Variants in M6PR observed in about 807,000 individuals in gnomAD.
M6PR encodes the protein cation-dependent mannose-6-phosphate receptor.
In M6PR, 19 loss-of-function variants were observed where a neutral mutation model predicts 33.1. That is an observed-to-expected ratio of 0.57 (90% CI 0.40 to 0.84). M6PR has a LOEUF of 0.84. M6PR is among the 40% of genes least tolerant of loss of function. The pLI is 0.00. For synonymous variants in M6PR, 111 were observed against 123.4 expected, an observed-to-expected ratio of 0.90 and a Z score of 0.67; for missense variants, 295 against 336.0, an observed-to-expected ratio of 0.88 and a Z score of 0.95.
chr12:8,942,994 C>T (rs1199739956), intron 5 of M6PR, among the ~76,000 whole-genome samples: 2 of 150,554 alleles, frequency 1.3e-5, no homozygotes, highest in Non-Finnish European at 2.9e-5. Flanking sequence ...GCCCTTGTTG[C>T]CCAGGCTGGA....
rs1159624227 is a variant in M6PR at position 8,943,429 on chromosome 12, C to G, written c.560G>C (p.Ser187Thr). 1.2e-6 allele frequency: 2 copies of G among 1,614,060 alleles called. No homozygotes were observed. Among genetic ancestry groups the G allele is most frequent in the Non-Finnish European group, 1.7e-6 (2 of 1,180,014 alleles). The change falls in exon 5 of 7, where the codon AGT becomes ACT. Residue 187 changes from serine (S) to threonine (T), a missense_variant. Transcript: ENST00000000412. ...CGTGACAAGTAAGATGGAACCCACA[C>G]TGAGGTGGGAGATCTCTGGTGAACA... is the stretch of plus-strand genomic sequence containing the variant. ...LACSPEISHL[S>T]VGSILLVTFA...
chr12:8,942,276 T>C, intron 6 of M6PR, 140 bp downstream of exon 6: 1 of 1,147,966 alleles, frequency 8.7e-7, no homozygotes. Context: ...AGGGCAACTG[T>C]CTTGTTTGCT....
At position 8,946,354 on chromosome 12, in the gene M6PR, C is replaced by T. The variant is rs1270449501; in HGVS notation, c.51G>A (p.Leu17=). ...CWRTGLLLLL[L]AVAVRESWQT... Reference sequence around the variant, plus strand: ...GCCAGGATTCTCTCACTGCCACAGCCAGGAGTAGTAGTAGCAGTCCAGTCC... The same window carrying T: ...GCCAGGATTCTCTCACTGCCACAGCTAGGAGTAGTAGTAGCAGTCCAGTCC... The change falls in exon 2 of 7, where the codon CTG becomes CTA. Residue 17 remains leucine (L), a synonymous_variant. Coordinates refer to ENST00000000412, the MANE Select transcript of M6PR (RefSeq NM_002355.4). 6.2e-7 allele frequency: 1 copy of T among 1,614,082 alleles called. No individual in the cohort carries two copies. The highest frequency in any genetic ancestry group is 2.2e-5 in the East Asian group (1 of 44,864).
chr12:8,945,232 C>G (rs1333145277), intron 3 of M6PR, 186 bp downstream of exon 3: 1 of 606,276 alleles, frequency 1.6e-6, no homozygotes, highest in Non-Finnish European at 3.0e-6. Flanking sequence ...GCACAACTGT[C>G]CTGAGCTGTG....
At chr12:8,943,353 C>G (rs2137163711) in intron 5 of M6PR, 52 bp downstream of exon 5, 1 of 1,609,030 alleles carries the variant, frequency 6.2e-7, no homozygotes. Context: ...AGTTACTGAC[C>G]TTAAAAACAA....
At chr12:8,943,674 G>A in intron 4 of M6PR, 127 bp downstream of exon 4, 1 of 1,329,466 alleles carries the variant, frequency 7.5e-7, no homozygotes, top group Non-Finnish European at 1.1e-6. Context: ...CTGACACAGA[G>A]AGAAACTGAG....
chr12:8,946,434 G>A (rs765147624), intron 1 of M6PR, 29 bp from the exon 2 acceptor site: 50 of 1,584,172 alleles, frequency 3.2e-5, no homozygotes, highest in Non-Finnish European at 3.8e-5. Flanking sequence ...GTTGGGGAGG[G>A]CAGGTAGGAT....
intron 1 of M6PR, chr12:8,946,621 T>C (rs151195083): frequency 3.9e-5 from 17 of 436,166 alleles, no homozygotes; most frequent in African/African-American, 3.4e-4. Context: ...GTCTAATGTA[T>C]AGGTGAGTCT....
chr12:8,942,226 A>C, intron 6 of M6PR, 190 bp downstream of exon 6: 1 of 744,298 alleles, frequency 1.3e-6, no homozygotes, highest in East Asian at 2.7e-5. Flanking sequence ...TGTCTTACCA[A>C]GGCCAGAAAT....
intron 5 of M6PR, among the ~76,000 whole-genome samples, chr12:8,942,749 A>G (rs1229862129): frequency 6.6e-6 from 1 of 152,230 alleles, no homozygotes; most frequent in Admixed American, 6.5e-5. Flanking sequence ...AAAGGCCCAG[A>G]CAAAATGTGA....
At chr12:8,944,001 T>C (rs866439708) in intron 3 of M6PR, 91 bp from the exon 4 acceptor site, 2 of 817,422 alleles carry the variant, frequency 2.4e-6, no homozygotes, top group Middle Eastern at 4.8e-4. Context: ...GCGTAATTCA[T>C]TGCAATTGGT....
chr12:8,944,678 G>C (rs1385208695), intron 3 of M6PR, among the ~76,000 whole-genome samples: 1 of 152,152 alleles, frequency 6.6e-6, no homozygotes, highest in Non-Finnish European at 1.5e-5. Context: ...CACCACCATA[G>C]CACAAAAATC....
intron 1 of M6PR, among the ~76,000 whole-genome samples, chr12:8,948,113 A>C (rs748225480): frequency 3.3e-5 from 5 of 152,348 alleles, no homozygotes; most frequent in Admixed American, 1.3e-4. Context: ...GAATCTCACA[A>C]AATTAGGAAG....
At chr12:8,946,465 T>G (rs770983473) in intron 1 of M6PR, 60 bp from the exon 2 acceptor site, 31 of 1,337,334 alleles carry the variant, frequency 2.3e-5, no homozygotes, top group South Asian at 4.9e-5. Context: ...AGGAAAGAGA[T>G]AAAGCGTATG....
chr12:8,943,513 T>G lies in M6PR; in HGVS notation c.476A>C (p.Glu159Ala), dbSNP rs778115455. 6.2e-7 allele frequency: 1 copy of G among 1,614,180 alleles called. No homozygotes were observed. The highest frequency in any genetic ancestry group is 8.5e-7 in the Non-Finnish European group (1 of 1,180,022). ...TLADNFNPVS[E>A]ERGKVQDCFY... ...ACAATCTTGGACTTTGCCACGCTCC[T>G]CAGACACAGGGTTAAAATTGTCCTG... Residue 159 changes from glutamate (E) to alanine (A), a missense_variant, in exon 5 of 7, where the codon GAG becomes GCG. Transcript: ENST00000000412.
rs892243915 is a variant in M6PR at position 8,942,919 on chromosome 12, T to C, written c.585-377A>G. On this transcript the variant is annotated intron_variant, in intron 5 of 6. Transcript: ENST00000000412. ...CAAATCTATACCGGCAACTAAACATTAAATCTCATTTTTCAAAAACTTGCA... is the reference window on the plus strand; with the variant it reads ...CAAATCTATACCGGCAACTAAACATCAAATCTCATTTTTCAAAAACTTGCA... Among the ~76,000 whole-genome samples the C allele has an allele frequency of 3.9e-5, 6 of 151,978 alleles. No individual in the cohort carries two copies. In the South Asian group the frequency reaches 6.2e-4, roughly 16 times the overall value.
chr12:8,949,282 CTTGGAAGTCCTTTCT>C lies in M6PR; in HGVS notation c.-2+191_-2+205del, dbSNP rs1252619412. Among the ~76,000 whole-genome samples, 1 of 152,096 alleles carries C rather than the reference CTTGGAAGTCCTTTCT, an allele frequency of 6.6e-6. No individual in the cohort carries two copies. The highest frequency in any genetic ancestry group is 1.5e-5 in the Non-Finnish European group (1 of 68,028). On this transcript the variant is annotated intron_variant, in intron 1 of 6. Coordinates refer to ENST00000000412, the MANE Select transcript of M6PR (RefSeq NM_002355.4). The surrounding 1 kb of genome is among the most constrained non-coding windows in gnomAD (Gnocchi z 5.6). ...AAATATCGTAAATCCCCTCTCTGGT[CTTGGAAGTCCTTTCT>C]CCCTCACACCTTTCGGAACTCCGTG...
At chr12:8,945,806 T>A (rs2137169868) in intron 2 of M6PR, among the ~76,000 whole-genome samples, 1 of 152,356 alleles carries the variant, frequency 6.6e-6, no homozygotes, top group East Asian at 1.9e-4. Flanking sequence ...TGAGCTATCT[T>A]GATAGCTCAA....
chr12:8,945,959 G>A (rs1283740245), intron 2 of M6PR, among the ~76,000 whole-genome samples: 2 of 152,036 alleles, frequency 1.3e-5, no homozygotes, highest in East Asian at 1.9e-4. Context: ...GACATGTGTC[G>A]GCCTAAATAT....
Sources: allele counts gnomAD v4.1 joint callset (sites outside exome capture counted in the v4.1 genomes callset), GRCh38; gene constraint gnomAD v4.1.1; non-coding constraint Gnocchi (gnomAD v3.1); transcripts MANE v1.5; gene names NCBI Gene and HGNC (gene_info 2026-07-23, HGNC 2026-07-21).